ETV6: variants seen among roughly 807,000 people sequenced by gnomAD.
ETV6 encodes the protein transcription factor ETV6.
ETV6 carries 16 observed loss-of-function variants against 51.1 expected under a neutral mutation model. That is an observed-to-expected ratio of 0.31 (90% CI 0.21 to 0.48). The LOEUF (loss-of-function observed/expected upper bound fraction) is 0.48. Ranked by LOEUF, ETV6 falls within the 20% of genes least tolerant of loss-of-function variation. The pLI, the probability that ETV6 is intolerant of heterozygous loss-of-function variation, is 0.99. For synonymous variants in ETV6, 240 were observed against 224.1 expected, an observed-to-expected ratio of 1.07 and a Z score of -0.64; for missense variants, 458 against 594.8, an observed-to-expected ratio of 0.77 and a Z score of 2.39.
chr12:11,794,652 A>G (rs1945650997), intron 2 of ETV6, among the ~76,000 whole-genome samples: 1 of 151,830 alleles, frequency 6.6e-6, no homozygotes, highest in African/African-American at 2.4e-5. Flanking sequence ...TTCCTTTTAT[A>G]CTCTATCAGT....
At chr12:11,717,503 G>GTAATA (rs747932734) in intron 1 of ETV6, among the ~76,000 whole-genome samples, 5 of 152,162 alleles carry the variant, frequency 3.3e-5, no homozygotes, top group Non-Finnish European at 7.3e-5. Flanking sequence ...TCCCTATAGT[G>GTAATA]TAATACAGTA....
rs2136595095 is a variant in ETV6 at position 11,884,439 on chromosome 12, C to G, written c.1010-6C>G. 6.2e-7 allele frequency: 1 copy of G among 1,614,172 alleles called. No homozygotes were observed. Among genetic ancestry groups the G allele is most frequent in the Non-Finnish European group, 8.5e-7 (1 of 1,180,020 alleles). ...AACAGTGTTTTCTTGCCCTTTTCCT[C>G]TGTAGACTGTAGACTGCTTTGGGAT... On this transcript the variant is annotated splice_region_variant and splice_polypyrimidine_tract_variant and intron_variant, in intron 5 of 7. Transcript: ENST00000396373.
At chr12:11,768,020 A>T (rs1278960309) in intron 2 of ETV6, among the ~76,000 whole-genome samples, 1 of 152,034 alleles carries the variant, frequency 6.6e-6, no homozygotes, top group South Asian at 2.1e-4. Context: ...AACACTCAGG[A>T]TATTTCCAAA....
At chr12:11,887,119 C>T (rs889157816) in intron 7 of ETV6, among the ~76,000 whole-genome samples, 1 of 152,068 alleles carries the variant, frequency 6.6e-6, no homozygotes, top group Non-Finnish European at 1.5e-5. Context: ...GGGAAAGGCT[C>T]TTCAGGAAAG....
intron 2 of ETV6, among the ~76,000 whole-genome samples, chr12:11,767,019 A>G (rs1214948020): frequency 6.6e-6 from 1 of 152,114 alleles, no homozygotes; most frequent in Non-Finnish European, 1.5e-5. Flanking sequence ...TTAGGAACTA[A>G]ATTTTTTTCT....
intron 5 of ETV6, among the ~76,000 whole-genome samples, chr12:11,881,442 A>G (rs1947091977): frequency 6.6e-6 from 1 of 152,232 alleles, no homozygotes; most frequent in African/African-American, 2.4e-5. Context: ...TTGGTACGCA[A>G]TAGATACGGA....
At chr12:11,803,372 A>T (rs1157643228) in intron 2 of ETV6, among the ~76,000 whole-genome samples, 4 of 152,204 alleles carry the variant, frequency 2.6e-5, no homozygotes, top group Non-Finnish European at 5.9e-5. Context: ...ATATTTTATA[A>T]TTTTTTGTCA....
At chr12:11,730,458 TC>T (rs1358394203) in intron 1 of ETV6, among the ~76,000 whole-genome samples, 7 of 152,240 alleles carry the variant, frequency 4.6e-5, no homozygotes, top group African/African-American at 1.4e-4. Context: ...AAGGTGCAAG[TC>T]ACCAAGGCCT....
chr12:11,818,488 A>G (rs1946028092), intron 2 of ETV6, among the ~76,000 whole-genome samples: 1 of 150,440 alleles, frequency 6.6e-6, no homozygotes, highest in East Asian at 2.0e-4. Flanking sequence ...GGATTGTGCC[A>G]CTGCACCCCA....
intron 3 of ETV6, among the ~76,000 whole-genome samples, chr12:11,841,173 T>G (rs1422266002): frequency 6.6e-6 from 1 of 152,222 alleles, no homozygotes; most frequent in Non-Finnish European, 1.5e-5. Context: ...GCATTATTTG[T>G]GAAACTGGGT....
At chr12:11,773,262 T>A (rs1323898173) in intron 2 of ETV6, among the ~76,000 whole-genome samples, 1 of 151,374 alleles carries the variant, frequency 6.6e-6, no homozygotes, top group African/African-American at 2.4e-5. Context: ...AAGTTTACTT[T>A]GTTGGTATAA....
chr12:11,663,000 G>A (rs971743111), intron 1 of ETV6, among the ~76,000 whole-genome samples: 24 of 152,228 alleles, frequency 1.6e-4, no homozygotes, highest in Non-Finnish European at 4.4e-5. Context: ...TTGGGCAGTT[G>A]AGCATGCTTA....
intron 1 of ETV6, among the ~76,000 whole-genome samples, chr12:11,660,529 G>A (rs1864081874): frequency 6.7e-6 from 1 of 149,926 alleles, no homozygotes; most frequent in South Asian, 2.1e-4. Flanking sequence ...AACCTGGAAG[G>A]TGGAGGTTGC....
intron 5 of ETV6, among the ~76,000 whole-genome samples, chr12:11,872,090 CT>C (rs758781431): frequency 6.6e-6 from 1 of 152,116 alleles, no homozygotes; most frequent in Non-Finnish European, 1.5e-5. Context: ...TTGCAGATAC[CT>C]TTTGCTTGTT....
chr12:11,759,646 C>T (rs1945054828), intron 2 of ETV6, among the ~76,000 whole-genome samples: 2 of 152,190 alleles, frequency 1.3e-5, no homozygotes, highest in Admixed American at 6.5e-5. Context: ...ACCCTCAATA[C>T]GTCTGTGGTC....
intron 4 of ETV6, among the ~76,000 whole-genome samples, chr12:11,867,755 G>A (rs1326738223): frequency 6.6e-6 from 1 of 152,170 alleles, no homozygotes; most frequent in Non-Finnish European, 1.5e-5. Context: ...TAGAACTGTG[G>A]ACAATTCTTT....
intron 4 of ETV6, among the ~76,000 whole-genome samples, chr12:11,868,044 G>A (rs572743962): frequency 6.6e-6 from 1 of 152,156 alleles, no homozygotes; most frequent in Non-Finnish European, 1.5e-5. Flanking sequence ...AACTTTGAGT[G>A]GGATGAGTTA....
intron 2 of ETV6, 47 bp downstream of exon 2, chr12:11,752,626 C>A (rs200112014): frequency 1.3e-6 from 2 of 1,569,292 alleles, no homozygotes; most frequent in East Asian, 2.3e-5. Flanking sequence ...TGGCGTGGGG[C>A]GGGGGTGGCA....
rs966610223 is a variant in ETV6, at chr12:11,839,433, A to T, written c.328+129A>T. On this transcript the variant is annotated intron_variant, in intron 3 of 7. Transcript: ENST00000396373. ...CATCACAAGGAAGGGATGACGATGG[A>T]AGGAAGTTGAAGGAAGATTATGCTA... 5 of 893,564 alleles carry T rather than the reference A, an allele frequency of 5.6e-6. No individual in the cohort carries two copies. In the African/African-American group the frequency reaches 8.3e-5, roughly 15 times the overall value. The allele number at this position is 893,564 out of a possible 1,614,324, so 55.4% of individuals were successfully genotyped here. A position where few individuals can be genotyped will look rare whatever the true frequency, so the allele number is the denominator to read the frequency against.
Sources: allele counts gnomAD v4.1 joint callset (sites outside exome capture counted in the v4.1 genomes callset), GRCh38; gene constraint gnomAD v4.1.1; transcripts MANE v1.5; gene names NCBI Gene and HGNC (gene_info 2026-07-23, HGNC 2026-07-21).